BMP7: variants seen among roughly 807,000 people sequenced by gnomAD.
BMP7 encodes the protein bone morphogenetic protein 7, also known as osteogenic protein 1.
Under a neutral mutation model 41.2 loss-of-function variants are expected in BMP7, and 12 were observed. That is an observed-to-expected ratio of 0.29 (90% CI 0.19 to 0.47). The LOEUF (loss-of-function observed/expected upper bound fraction) is 0.47. BMP7 is among the 20% of genes least tolerant of loss of function. The pLI is 0.99. For synonymous variants in BMP7, 248 were observed against 250.0 expected (o/e 0.99, Z 0.07); for missense variants, 467 against 606.0 (o/e 0.77, Z 2.41).
chr20:57,234,118 G>A (rs2066039120), intron 1 of BMP7, among the ~76,000 whole-genome samples: 1 of 152,056 alleles, frequency 6.6e-6, no homozygotes, highest in Non-Finnish European at 1.5e-5. Context: ...GTCTCTCTTG[G>A]AGAGTCCATC....
At chr20:57,222,910 G>A (rs1985223106) in intron 2 of BMP7, among the ~76,000 whole-genome samples, 2 of 145,630 alleles carry the variant, frequency 1.4e-5, no homozygotes, top group African/African-American at 5.6e-5. Flanking sequence ...CCCTTAGCCA[G>A]TCCCTTTCCT....
chr20:57,205,754 G>A (rs1418272328), intron 2 of BMP7, among the ~76,000 whole-genome samples: 2 of 152,156 alleles, frequency 1.3e-5, no homozygotes, highest in Non-Finnish European at 2.9e-5. Context: ...CTCGCCAAAC[G>A]ATACTGAGCA....
intron 1 of BMP7, among the ~76,000 whole-genome samples, chr20:57,239,937 G>A (rs2066062765): frequency 6.6e-6 from 1 of 152,136 alleles, no homozygotes; most frequent in South Asian, 2.1e-4. Flanking sequence ...TTTCCTCCTG[G>A]GCCTCCAGGC....
chr20:57,261,016 C>T lies in BMP7; in HGVS notation c.418+4689G>A, dbSNP rs761610991. ...GATTCTTGCAATGGGCCAAATATGA[C>T]CTTACCAAATGAGGGAGAGATATTA... On this transcript the variant is annotated intron_variant, in intron 1 of 6. Coordinates refer to ENST00000395863, the MANE Select transcript of BMP7 (RefSeq NM_001719.3). The surrounding 1 kb of genome is among the most constrained non-coding windows in gnomAD (Gnocchi z 4.1). Among the ~76,000 whole-genome samples, 1 of 152,144 alleles carries T rather than the reference C, an allele frequency of 6.6e-6. No individual in the cohort carries two copies. The highest frequency in any genetic ancestry group is 1.5e-5 in the Non-Finnish European group (1 of 68,034).
chr20:57,234,285 C>G (rs746775630), intron 1 of BMP7, among the ~76,000 whole-genome samples: 2 of 152,224 alleles, frequency 1.3e-5, no homozygotes, highest in African/African-American at 4.8e-5. Flanking sequence ...GAAAGAGCCC[C>G]TGTTCGCTCT....
intron 1 of BMP7, among the ~76,000 whole-genome samples, chr20:57,235,245 A>AT (rs1373749335): frequency 6.6e-6 from 1 of 152,108 alleles, no homozygotes; most frequent in Admixed American, 6.5e-5. Flanking sequence ...GACACAACTC[A>AT]TTTTTTTATA....
intron 3 of BMP7, among the ~76,000 whole-genome samples, chr20:57,192,793 G>T (rs1984402952): frequency 1.3e-5 from 2 of 150,670 alleles, no homozygotes. Context: ...GATTGAATTT[G>T]AATTTCAGAT....
chr20:57,219,551 C>T (rs766516233), intron 2 of BMP7, among the ~76,000 whole-genome samples: 3 of 152,070 alleles, frequency 2.0e-5, no homozygotes, highest in Non-Finnish European at 4.4e-5. Context: ...GGGCTGCTAC[C>T]GAATGCCCTA....
At chr20:57,225,240 C>T (rs6025450) in intron 2 of BMP7, among the ~76,000 whole-genome samples, 11,103 of 152,116 alleles carry the variant, frequency 0.073, 1,365 homozygotes, top group African/African-American at 0.25. Context: ...CTGGAGGAAG[C>T]GTGGGGGATT....
chr20:57,241,566 C>A (rs1392489332), intron 1 of BMP7, among the ~76,000 whole-genome samples: 1 of 152,182 alleles, frequency 6.6e-6, no homozygotes, highest in African/African-American at 2.4e-5. Flanking sequence ...GCTTCAGCTG[C>A]CAGCAATACC....
In BMP7 at chr20:57,214,405, T is replaced by C. The variant is rs1033139538; in HGVS notation, c.612-11782A>G. On this transcript the variant is annotated intron_variant, in intron 2 of 6. Coordinates refer to ENST00000395863, the MANE Select transcript of BMP7 (RefSeq NM_001719.3). The surrounding 1 kb of genome is among the most constrained non-coding windows in gnomAD (Gnocchi z 4.0). ...AAAGCCAAAGCTCTCTAATGTGTTC[T>C]GTGATAAAGAAGACTATGGAACTGA... Among the ~76,000 whole-genome samples the C allele has an allele frequency of 2.6e-5, 4 of 152,212 alleles. No individual in the cohort carries two copies. Among genetic ancestry groups the C allele is most frequent in the African/African-American group, 7.2e-5 (3 of 41,456 alleles).
Position 57,228,491 on chromosome 20 carries a change from G to A in BMP7, c.419-70C>T, listed in dbSNP as rs2066016924. The stretch of plus-strand genomic sequence containing the variant: ...TGTCTGGGTTTCACTCTCTGGCTCT[G>A]AGTCCAAGCATCTTGCCTAAGCTAG... On this transcript the variant is annotated intron_variant, in intron 1 of 6. Transcript: ENST00000395863. This position sits in a 1 kb window ranked among gnomAD's most constrained non-coding sequence, Gnocchi z 4.5. 1.9e-6 allele frequency: 3 copies of A among 1,565,222 alleles called. No homozygotes were observed. The highest frequency in any genetic ancestry group is 1.4e-5 in the African/African-American group (1 of 73,868).
At chr20:57,200,087 G>A (rs1984587266) in intron 3 of BMP7, among the ~76,000 whole-genome samples, 1 of 152,254 alleles carries the variant, frequency 6.6e-6, no homozygotes, top group South Asian at 2.1e-4. Context: ...GCACCACGGG[G>A]ATGTGAGCCA....
At chr20:57,265,658 A>G in intron 1 of BMP7, 47 bp downstream of exon 1, 1 of 1,564,028 alleles carries the variant, frequency 6.4e-7, no homozygotes, top group Admixed American at 1.9e-5. Flanking sequence ...TCCCAGTCTC[A>G]AAGTGCCCCC....
At chr20:57,239,153 G>A (rs1261339012) in intron 1 of BMP7, among the ~76,000 whole-genome samples, 1 of 152,206 alleles carries the variant, frequency 6.6e-6, no homozygotes, top group African/African-American at 2.4e-5. Context: ...TTCTGCCTAT[G>A]AGCCTCTAAA....
chr20:57,218,798 TGCTGGTGTTTGTTTGGTGGTA>T (rs1474659111), intron 2 of BMP7, among the ~76,000 whole-genome samples: 1 of 144,652 alleles, frequency 6.9e-6, no homozygotes, highest in African/African-American at 2.6e-5. Flanking sequence ...TGTTTGGTGG[TGCTGGTGTTTGTTTGGTGGTA>T]GCTGGTGTGT....
intron 2 of BMP7, among the ~76,000 whole-genome samples, chr20:57,218,705 GTTT>G (rs1330331179): frequency 1.4e-5 from 2 of 148,108 alleles, no homozygotes; most frequent in Admixed American, 6.7e-5. Context: ...TGGTAGCTGG[GTTT>G]GTTTGGTGGT....
intron 3 of BMP7, among the ~76,000 whole-genome samples, chr20:57,192,711 T>A (rs1984399722): frequency 6.6e-6 from 1 of 150,846 alleles, no homozygotes; most frequent in Non-Finnish European, 1.5e-5. Flanking sequence ...GGTTTAATAG[T>A]TTTTTTTTAA....
intron 1 of BMP7, among the ~76,000 whole-genome samples, chr20:57,231,795 C>T (rs148908198): frequency 1.5e-3 from 221 of 152,352 alleles, no homozygotes; most frequent in African/African-American, 5.2e-3. Flanking sequence ...GCTGGATGAA[C>T]CCAGCTTCAG....
Sources: allele counts gnomAD v4.1 joint callset (sites outside exome capture counted in the v4.1 genomes callset), GRCh38; gene constraint gnomAD v4.1.1; non-coding constraint Gnocchi (gnomAD v3.1); transcripts MANE v1.5; gene names NCBI Gene and HGNC (gene_info 2026-07-23, HGNC 2026-07-21).